The following PROCA1 variants were observed in gnomAD, a reference collection of about 807,000 sequenced individuals.
PROCA1 encodes the protein protein PROCA1.
In PROCA1, 22 loss-of-function variants were observed where a neutral mutation model predicts 23.2. The ratio of observed to expected loss-of-function variants is 0.95; its 90% confidence interval spans 0.68 to 1.35. The LOEUF (loss-of-function observed/expected upper bound fraction) is 1.35, where lower values mean the gene tolerates loss of function less well. Ranked by LOEUF, PROCA1 falls within the 40% of genes most tolerant of loss-of-function variation. PROCA1 has a pLI of 0.00. For missense variants in PROCA1, 469 were observed against 459.8 expected (o/e 1.02, Z -0.18); for synonymous variants, 182 against 179.2 (o/e 1.02, Z -0.12).
intron 3 of PROCA1, 123 bp downstream of exon 3, chr17:28,704,585 G>C (rs1292840399): frequency 2.6e-6 from 4 of 1,560,896 alleles, no homozygotes; most frequent in South Asian, 2.5e-5. Flanking sequence ...GGTGTGCAGA[G>C]CTGGGACTGG....
intron 1 of PROCA1, among the ~76,000 whole-genome samples, chr17:28,709,857 C>T (rs1256669434): frequency 6.6e-6 from 1 of 151,670 alleles, no homozygotes; most frequent in African/African-American, 2.4e-5. Flanking sequence ...ATCGGCCAGG[C>T]ATGGTGGCAC....
At chr17:28,711,423 TAGCTCCGCCCCG>T in intron 1 of PROCA1, 135 bp downstream of exon 1, 1 of 611,940 alleles carries the variant, frequency 1.6e-6, no homozygotes, top group Non-Finnish European at 2.5e-6. Context: ...GCCCCGGCCC[TAGCTCCGCCCCG>T]GCCCAGCACT....
intron 1 of PROCA1, chr17:28,707,593 G>A (rs958429595): frequency 3.3e-5 from 5 of 152,184 alleles, no homozygotes; most frequent in African/African-American, 4.8e-5. Context: ...GGAAAAGGGT[G>A]TCCCTCCTTT....
chr17:28,709,132 A>T, intron 1 of PROCA1, among the ~76,000 whole-genome samples: 1 of 152,250 alleles, frequency 6.6e-6, no homozygotes, highest in Non-Finnish European at 1.5e-5. Context: ...ATTCAAACCC[A>T]GGTCTTCCTG....
intron 4 of PROCA1, 33 bp from the exon 5 acceptor site, chr17:28,704,245 G>C: frequency 3.2e-6 from 5 of 1,563,236 alleles, no homozygotes; most frequent in Non-Finnish European, 4.3e-6. Flanking sequence ...AAGTTTGACA[G>C]AGAGTGGGGG....
intron 1 of PROCA1, chr17:28,710,735 G>A: frequency 7.9e-7 from 1 of 1,270,876 alleles, no homozygotes; most frequent in Non-Finnish European, 1.0e-6. Context: ...CAGCAGTCCA[G>A]AGTTCCTGCA....
chr17:28,711,418 G>T, intron 1 of PROCA1, 152 bp downstream of exon 1: 1 of 641,576 alleles, frequency 1.6e-6, no homozygotes, highest in South Asian at 2.3e-5. Flanking sequence ...GCTCCGCCCC[G>T]GCCCTAGCTC....
chr17:28,704,193 C>T lies in PROCA1; in HGVS notation c.460G>A (p.Val154Ile). 6.5e-7 allele frequency: 1 copy of T among 1,545,448 alleles called. No homozygotes were observed. The highest frequency in any genetic ancestry group is 8.7e-7 in the Non-Finnish European group (1 of 1,149,354). ...RYGWCKSYRP[V>I]SVAVIHHPLY... ...GGATGGTGGATCACTGCCACAGAGA[C>T]AGGTCTGTAGCTTTTGCACCTGGGA... The change falls in exon 5 of 5, where the codon GTC becomes ATC. Residue 154 changes from valine to isoleucine, a missense_variant. By Grantham distance (29) the Val-to-Ile change is conservative. Coordinates refer to ENST00000682792, the MANE Select transcript of PROCA1 (RefSeq NM_001366301.1).
intron 2 of PROCA1, chr17:28,705,222 C>G (rs984367290): frequency 5.0e-5 from 11 of 218,992 alleles, no homozygotes; most frequent in Non-Finnish European, 7.4e-5. Flanking sequence ...CACCCCACAG[C>G]CCCAGGAGCA....
In PROCA1 at chr17:28,703,210, TC is replaced by T. The variant is rs1234113128; in HGVS notation, c.*347del. 26 of 244,180 alleles carry T rather than the reference TC, an allele frequency of 1.1e-4. No individual in the cohort carries two copies. The Admixed American group carries it at 1.2e-3, about 12-fold the overall frequency. 15.1% of individuals were successfully genotyped at this position (244,180 alleles called of 1,614,324 possible). On this transcript the variant is annotated 3_prime_UTR_variant, in exon 5 of 5. Transcript: ENST00000682792. Reference sequence around the variant, plus strand: ...AGTGGCACAGAGTGGGTTAAAAAGTTCCGTTTATTGGGGGTATCGCTGCAGA... The same window carrying T: ...AGTGGCACAGAGTGGGTTAAAAAGTTCGTTTATTGGGGGTATCGCTGCAGA...
At position 28,704,363 on chromosome 17, in the gene PROCA1, G is replaced by C; in HGVS notation, c.384C>G (p.Ser128=). 1 of 1,614,146 alleles carries C rather than the reference G, an allele frequency of 6.2e-7. No homozygotes were observed. The highest frequency in any genetic ancestry group is 8.5e-7 in the Non-Finnish European group (1 of 1,180,018). ...CCTCCGGTGTGAGCTCAAAGCAAGG[G>C]GACTCGATGACATGGGAGCAGGTTG... ...AGPTCSHVIE[S]PCFELTPEEE... Residue 128 remains serine, a synonymous_variant, in exon 4 of 5, where the codon TCC becomes TCG. Transcript: ENST00000682792.
At chr17:28,711,510 C>G in intron 1 of PROCA1, 60 bp downstream of exon 1, 1 of 1,425,114 alleles carries the variant, frequency 7.0e-7, no homozygotes, top group Non-Finnish European at 9.5e-7. Context: ...CCGCGTGCGC[C>G]GCTCGGGGTC....
chr17:28,710,198 C>T (rs1308721388), intron 1 of PROCA1, among the ~76,000 whole-genome samples: 3 of 151,602 alleles, frequency 2.0e-5, no homozygotes, highest in Non-Finnish European at 4.4e-5. Flanking sequence ...TCAGGAGCCA[C>T]CATGAAAGAG....
Position 28,706,672 on chromosome 17 carries a change from G to A in PROCA1, c.175+8C>T. On this transcript the variant is annotated splice_region_variant and intron_variant, in intron 2 of 4. Transcript: ENST00000682792. ...GGATCCCCTGGGTCAAAGGTCTCCT[G>A]GACCCACCTTCAGAGAAGGTAGACA... 1.5e-6 allele frequency: 2 copies of A among 1,302,806 alleles called. No individual in the cohort carries two copies. The highest frequency in any genetic ancestry group is 4.3e-4 in the Middle Eastern group (2 of 4,680). 80.7% of individuals were successfully genotyped at this position (1,302,806 alleles called of 1,614,324 possible).
At chr17:28,708,732 A>AAAAAAAAAAAAAAC (rs2032641466) in intron 1 of PROCA1, among the ~76,000 whole-genome samples, 1 of 113,834 alleles carries the variant, frequency 8.8e-6, no homozygotes, top group African/African-American at 3.2e-5. Context: ...CAGAAAAAGG[A>AAAAAAAAAAAAAAC]AAAAAAAAAA....
At chr17:28,710,520 A>G (rs1224072617) in intron 1 of PROCA1, among the ~76,000 whole-genome samples, 1 of 150,238 alleles carries the variant, frequency 6.7e-6, no homozygotes, top group Non-Finnish European at 1.5e-5. Flanking sequence ...AAAAAAAAAA[A>G]AAAAAAAAAG....
intron 1 of PROCA1, among the ~76,000 whole-genome samples, chr17:28,709,730 C>T (rs2032691590): frequency 6.6e-6 from 1 of 152,038 alleles, no homozygotes; most frequent in Non-Finnish European, 1.5e-5. Context: ...GGTGCAGTGG[C>T]TCATGCCTGT....
chr17:28,711,501 C>A, intron 1 of PROCA1, 69 bp downstream of exon 1: 1 of 1,353,788 alleles, frequency 7.4e-7, no homozygotes, highest in East Asian at 2.5e-5. Context: ...GCCGGCTTCC[C>A]GCGTGCGCCG....
intron 1 of PROCA1, chr17:28,710,743 G>A: frequency 7.8e-7 from 1 of 1,288,884 alleles, no homozygotes; most frequent in South Asian, 1.3e-5. Context: ...CAGAGTTCCT[G>A]CAGCAGGAGT....
Sources: allele counts gnomAD v4.1 joint callset (sites outside exome capture counted in the v4.1 genomes callset), GRCh38; gene constraint gnomAD v4.1.1; transcripts MANE v1.5; gene names NCBI Gene and HGNC (gene_info 2026-07-23, HGNC 2026-07-21).